OPHN1: variants seen among roughly 807,000 people sequenced by gnomAD.
OPHN1 encodes the protein oligophrenin-1.
Under a neutral mutation model 60.7 loss-of-function variants are expected in OPHN1, and 11 were observed. The ratio of observed to expected loss-of-function variants is 0.18; its 90% CI spans 0.11 to 0.30. The LOEUF (loss-of-function observed/expected upper bound fraction) is 0.30, where lower values mean the gene tolerates loss of function less well. Among genes scored for constraint, OPHN1 ranks in the 10% least tolerant of loss-of-function variants. The pLI is 1.00. For synonymous variants in OPHN1, 226 were observed against 222.6 expected, an observed-to-expected ratio of 1.02 and a Z score of -0.14; for missense variants, 449 against 611.0, an observed-to-expected ratio of 0.73 and a Z score of 2.80.
intron 15 of OPHN1, chrX:68,133,552 C>T: frequency 2.4e-6 from 1 of 415,168 alleles, no homozygotes; most frequent in Admixed American, 2.7e-5. Context: ...ATCCTGAGAA[C>T]ACTTAAACGT....
chrX:68,148,869 A>G (rs1436711704), intron 15 of OPHN1, among the ~76,000 whole-genome samples: 1 of 111,767 alleles, frequency 8.9e-6, no homozygotes, highest in Admixed American at 9.5e-5. Context: ...TTAAAATCAG[A>G]AGAAAATATG....
At chrX:68,320,011 T>C (rs942219019) in intron 2 of OPHN1, among the ~76,000 whole-genome samples, 1 of 110,575 alleles carries the variant, frequency 9.0e-6, no homozygotes, top group Non-Finnish European at 1.9e-5. Context: ...CAAATAAGCA[T>C]AAGAAACAAT....
At chrX:68,136,179 ATGTG>A (rs1207071748) in intron 15 of OPHN1, among the ~76,000 whole-genome samples, 4 of 109,689 alleles carry the variant, frequency 3.6e-5, no homozygotes, top group Admixed American at 9.7e-5. Context: ...TATTAAATAT[ATGTG>A]TGTGTGTGTG....
chrX:68,079,650 C>T (rs1485803466), intron 19 of OPHN1, among the ~76,000 whole-genome samples: 1 of 111,969 alleles, frequency 8.9e-6, no homozygotes, highest in Non-Finnish European at 1.9e-5. Flanking sequence ...CATCCACTCA[C>T]ATGGCTTGCA....
At chrX:68,324,468 G>A (rs180760317) in intron 2 of OPHN1, among the ~76,000 whole-genome samples, 2,229 of 106,195 alleles carry the variant, frequency 0.021, 74 homozygotes, top group African/African-American at 0.073. Context: ...AAAATAGCCA[G>A]GTATGGTGGT....
chrX:68,136,525 G>A (rs1321613027), intron 15 of OPHN1, among the ~76,000 whole-genome samples: 4 of 109,590 alleles, frequency 3.6e-5, no homozygotes, highest in Non-Finnish European at 3.8e-5. Flanking sequence ...GGATGGTCTC[G>A]ATCTCCTGAC....
chrX:68,339,089 T>A lies in OPHN1; in HGVS notation c.155-39993A>T, dbSNP rs867439660. 3.9e-3 allele frequency among the ~76,000 whole-genome samples: 348 copies of A among 89,420 alleles called. 1 individual carries two copies. The highest frequency in any genetic ancestry group is 0.015 in the Middle Eastern group (3 of 195). 77.7% of individuals were successfully genotyped at this position (89,420 alleles called of 115,157 possible). On this transcript the variant is annotated intron_variant, in intron 2 of 24. Coordinates refer to ENST00000355520, the MANE Select transcript of OPHN1 (RefSeq NM_002547.3). ...TGAGACCCTGTCTGAAAAAAAAAAA[T>A]ATATATATATATATATTTATATATA...
intron 20 of OPHN1, among the ~76,000 whole-genome samples, chrX:68,069,336 AG>A (rs1005027578): frequency 1.6e-4 from 18 of 111,882 alleles, no homozygotes; most frequent in Non-Finnish European, 1.1e-4. Context: ...AAAAAAAACA[AG>A]TGGCCACTGG....
intron 6 of OPHN1, among the ~76,000 whole-genome samples, chrX:68,226,696 T>C (rs1171595041): frequency 1.8e-5 from 2 of 111,444 alleles, no homozygotes; most frequent in Admixed American, 9.6e-5. Context: ...ATTCTGTCAC[T>C]ACCAGTCCTG....
chrX:68,214,538 A>G (rs2147485785), intron 6 of OPHN1, among the ~76,000 whole-genome samples: 1 of 112,313 alleles, frequency 8.9e-6, no homozygotes, highest in Non-Finnish European at 1.9e-5. Context: ...CCAGTTCAAC[A>G]CAAAACCTCA....
rs146063158 is a variant in OPHN1 at position 68,071,656 on chromosome X, G to T, written c.1834+1496C>A. On this transcript the variant is annotated intron_variant, in intron 20 of 24. Transcript: ENST00000355520. ...CTTAAGACAGTAGCCTTAATCCTCT[G>T]GTTGTTTGTTATCTGGTTATTCTAC... The T allele has an allele frequency of 1.6e-3, 847 of 546,269 alleles. 12 individuals carry two copies. The East Asian group carries it at 0.025, about 16-fold the overall frequency. The allele number at this position is 546,269 out of a possible 1,213,427, so 45.0% of individuals were successfully genotyped here.
intron 15 of OPHN1, among the ~76,000 whole-genome samples, chrX:68,154,174 T>TC (rs2077298201): frequency 8.9e-6 from 1 of 112,510 alleles, no homozygotes; most frequent in Admixed American, 9.4e-5. Flanking sequence ...GTGAATTATT[T>TC]CAGATGTTCC....
rs2078703470 is a variant in OPHN1, at chrX:68,399,710, ACCC to A, written c.154+33154_154+33156del. 2.9e-5 allele frequency among the ~76,000 whole-genome samples: 3 copies of A among 104,602 alleles called. No homozygotes were observed. In the Admixed American group the frequency reaches 3.1e-4, roughly 11 times the overall value. The allele number at this position is 104,602 out of a possible 115,157, so 90.8% of individuals were successfully genotyped here. A position where few individuals can be genotyped will look rare whatever the true frequency, so the allele number is the denominator to read the frequency against. ...ATAAATAAATAAATAAATAAATAAA[ACCC>A]TCTGAGGGGTTCACGCTATATCTCC... On this transcript the variant is annotated intron_variant, in intron 2 of 24. Coordinates refer to ENST00000355520, the MANE Select transcript of OPHN1 (RefSeq NM_002547.3).
chrX:68,361,773 T>G (rs1011056673), intron 2 of OPHN1, among the ~76,000 whole-genome samples: 4 of 111,644 alleles, frequency 3.6e-5, no homozygotes, highest in African/African-American at 1.3e-4. Flanking sequence ...CTTTGGATAG[T>G]TCTATTTTTA....
At chrX:68,382,354 AT>A (rs1364332128) in intron 2 of OPHN1, among the ~76,000 whole-genome samples, 7 of 109,469 alleles carry the variant, frequency 6.4e-5, no homozygotes, top group African/African-American at 2.0e-4. Context: ...CTTAAAAAAA[AT>A]AAAATAAAAT....
intron 15 of OPHN1, among the ~76,000 whole-genome samples, chrX:68,134,573 G>A (rs752985669): frequency 9.0e-6 from 1 of 111,058 alleles, no homozygotes; most frequent in Non-Finnish European, 1.9e-5. Flanking sequence ...CAATCATAGA[G>A]CTCCCTGGAC....
intron 2 of OPHN1, among the ~76,000 whole-genome samples, chrX:68,351,019 C>T (rs921124866): frequency 1.8e-5 from 2 of 111,666 alleles, no homozygotes; most frequent in Non-Finnish European, 3.8e-5. Flanking sequence ...ACTTCCGCCT[C>T]CCAGGTTCAA....
intron 5 of OPHN1, among the ~76,000 whole-genome samples, chrX:68,235,464 T>A (rs1395233522): frequency 1.8e-5 from 2 of 110,386 alleles, no homozygotes; most frequent in Admixed American, 9.7e-5. Flanking sequence ...GAAAAAAAAA[T>A]CACCCATGGT....
At chrX:68,288,942 G>A (rs962723135) in intron 3 of OPHN1, among the ~76,000 whole-genome samples, 1 of 111,066 alleles carries the variant, frequency 9.0e-6, no homozygotes, top group South Asian at 3.8e-4. Context: ...CCCTGCAGAC[G>A]GCTCTGTAGA....
Sources: allele counts gnomAD v4.1 joint callset (sites outside exome capture counted in the v4.1 genomes callset), GRCh38; gene constraint gnomAD v4.1.1; transcripts MANE v1.5; gene names NCBI Gene and HGNC (gene_info 2026-07-23, HGNC 2026-07-21).